The following CDK14 variants were observed in gnomAD, a reference collection of about 807,000 sequenced individuals.
CDK14 encodes cyclin-dependent kinase 14.
A neutral mutation model predicts 60.7 loss-of-function variants in CDK14; 34 were observed. That is an observed-to-expected ratio of 0.56 (90% CI 0.43 to 0.75). The LOEUF is 0.75. Ranked by LOEUF, CDK14 falls within the 30% of genes least tolerant of loss-of-function variation. The pLI is 0.00. For missense variants in CDK14, 482 were observed against 564.1 expected, an observed-to-expected ratio of 0.85 and a Z score of 1.47; for synonymous variants, 197 against 203.7, an observed-to-expected ratio of 0.97 and a Z score of 0.28.
chr7:90,693,944 G>A (rs1276286644), intron 2 of CDK14, among the ~76,000 whole-genome samples: 1 of 152,154 alleles, frequency 6.6e-6, no homozygotes, highest in Admixed American at 6.6e-5. Context: ...TCATTGAGGA[G>A]GCACAAGTAT....
intron 4 of CDK14, among the ~76,000 whole-genome samples, chr7:90,778,698 T>C (rs1381785152): frequency 6.6e-6 from 1 of 152,092 alleles, no homozygotes; most frequent in Non-Finnish European, 1.5e-5. Flanking sequence ...CCTTCCTCCT[T>C]CTCTTCTTTA....
chr7:91,173,439 A>AT (rs1801596993), intron 14 of CDK14, among the ~76,000 whole-genome samples: 1 of 151,192 alleles, frequency 6.6e-6, no homozygotes, highest in Admixed American at 6.6e-5. Context: ...TAAAAAAAAA[A>AT]AGGTGGGGAG....
chr7:91,045,322 A>G lies in CDK14; in HGVS notation c.1042-575A>G, dbSNP rs117350753. Among the ~76,000 whole-genome samples, 569 of 152,362 alleles carry G rather than the reference A, an allele frequency of 3.7e-3. 4 individuals are homozygous for G. The highest frequency in any genetic ancestry group is 8.8e-3 in the Admixed American group (134 of 15,300). ...ATAGATGGAGAAAGAAGGTAGACAT[A>G]TGGATAGAAAAAGGAAAACATGTAG... On this transcript the variant is annotated intron_variant, in intron 10 of 14. Transcript: ENST00000380050.
At chr7:91,114,252 G>A (rs985187216) in intron 13 of CDK14, among the ~76,000 whole-genome samples, 2 of 152,106 alleles carry the variant, frequency 1.3e-5, no homozygotes, top group African/African-American at 4.8e-5. Context: ...TTCTGTAGTA[G>A]TACTTTTCTG....
intron 12 of CDK14, among the ~76,000 whole-genome samples, chr7:91,111,681 A>G (rs1431419799): frequency 6.6e-6 from 1 of 152,136 alleles, no homozygotes; most frequent in Non-Finnish European, 1.5e-5. Context: ...AATAAATACG[A>G]GTGTTAAAAG....
chr7:90,863,123 T>A lies in CDK14; in HGVS notation c.545-52T>A, dbSNP rs1334240958. 7 of 947,180 alleles carry A rather than the reference T, an allele frequency of 7.4e-6. No individual in the cohort carries two copies. In the Admixed American group the frequency reaches 1.3e-4, roughly 18 times the overall value. The allele number at this position is 947,180 out of a possible 1,614,324, so 58.7% of individuals were successfully genotyped here. A position where few individuals can be genotyped will look rare whatever the true frequency, so the allele number is the denominator to read the frequency against. ...GTGCCAAAATTATAATGGTATATATTAGTTGATTGTTATCCACGATAAATT... is the reference window on the plus strand; with the variant it reads ...GTGCCAAAATTATAATGGTATATATAAGTTGATTGTTATCCACGATAAATT... On this transcript the variant is annotated intron_variant, in intron 5 of 14. Transcript: ENST00000380050.
intron 5 of CDK14, among the ~76,000 whole-genome samples, chr7:90,803,275 A>G (rs1052460678): frequency 2.6e-5 from 4 of 152,160 alleles, no homozygotes; most frequent in African/African-American, 9.7e-5. Flanking sequence ...GGGAGTCTCA[A>G]CCTTCAACAT....
chr7:91,201,895 A>T (rs1242068449), intron 14 of CDK14, among the ~76,000 whole-genome samples: 1 of 152,062 alleles, frequency 6.6e-6, no homozygotes, highest in Non-Finnish European at 1.5e-5. Flanking sequence ...GAGATAATAC[A>T]TTTTCCCCAA....
At chr7:90,694,904 T>C (rs1488875229) in intron 2 of CDK14, among the ~76,000 whole-genome samples, 1 of 152,240 alleles carries the variant, frequency 6.6e-6, no homozygotes, top group Non-Finnish European at 1.5e-5. Context: ...CTTGTATGCT[T>C]ATATATCTTA....
intron 2 of CDK14, among the ~76,000 whole-genome samples, chr7:90,654,793 AC>A (rs1293912633): frequency 6.6e-6 from 1 of 152,172 alleles, no homozygotes; most frequent in East Asian, 1.9e-4. Context: ...TGAATATGGT[AC>A]ATTTAGTATA....
chr7:90,639,417 T>G (rs993079140), intron 2 of CDK14, among the ~76,000 whole-genome samples: 20 of 152,128 alleles, frequency 1.3e-4, no homozygotes, highest in Non-Finnish European at 2.2e-4. Context: ...TGCCTGGGTA[T>G]CAGCAGTGGT....
chr7:90,661,073 G>A (rs560053604), intron 2 of CDK14, among the ~76,000 whole-genome samples: 3 of 152,276 alleles, frequency 2.0e-5, no homozygotes, highest in South Asian at 2.1e-4. Context: ...ACAGACATTC[G>A]TCATATGGTT....
chr7:90,920,067 AT>A (rs71104498), intron 8 of CDK14, among the ~76,000 whole-genome samples: 1 of 152,016 alleles, frequency 6.6e-6, no homozygotes, highest in Non-Finnish European at 1.5e-5. Flanking sequence ...TAATTGTGTG[AT>A]TTTTTTTGTC....
intron 14 of CDK14, among the ~76,000 whole-genome samples, chr7:91,138,861 A>T (rs1238354181): frequency 6.6e-6 from 1 of 152,128 alleles, no homozygotes; most frequent in Non-Finnish European, 1.5e-5. Context: ...CGTAAATTGG[A>T]AACAGGGACT....
intron 8 of CDK14, among the ~76,000 whole-genome samples, chr7:90,953,293 A>G (rs962215193): frequency 2.0e-5 from 3 of 152,188 alleles, no homozygotes; most frequent in African/African-American, 7.2e-5. Flanking sequence ...ACACATTTAC[A>G]TGCAAACCAT....
chr7:91,195,001 T>C (rs1203787746), intron 14 of CDK14, among the ~76,000 whole-genome samples: 1 of 152,206 alleles, frequency 6.6e-6, no homozygotes, highest in African/African-American at 2.4e-5. Flanking sequence ...CTGTTGCCAA[T>C]GGAAGTGAGA....
At chr7:90,625,837 T>G (rs1799864542) in intron 2 of CDK14, among the ~76,000 whole-genome samples, 2 of 152,224 alleles carry the variant, frequency 1.3e-5, no homozygotes, top group Non-Finnish European at 2.9e-5. Context: ...ACTTTGCTTT[T>G]CTTCGTACTC....
chr7:90,671,269 T>C (rs1171760931), intron 2 of CDK14, among the ~76,000 whole-genome samples: 1 of 152,074 alleles, frequency 6.6e-6, no homozygotes, highest in Non-Finnish European at 1.5e-5. Context: ...AAGCCATAGA[T>C]TCTTCCTCTC....
intron 2 of CDK14, among the ~76,000 whole-genome samples, chr7:90,659,009 C>G (rs1800809317): frequency 6.6e-6 from 1 of 152,158 alleles, no homozygotes. Flanking sequence ...GTCTGGTACT[C>G]TCCCTAAATT....
Sources: gnomAD v4.1 joint callset for allele counts (sites outside exome capture counted in the v4.1 genomes callset) on GRCh38, gnomAD v4.1.1 for gene constraint, MANE v1.5 for transcripts, NCBI Gene and HGNC (gene_info 2026-07-23, HGNC 2026-07-21) for gene names.